The following TTC29 variants were observed in gnomAD, a reference collection of about 807,000 sequenced individuals.
TTC29 encodes the protein tetratricopeptide repeat domain 29.
Under a neutral mutation model 58.1 loss-of-function variants are expected in TTC29, and 49 were observed. The ratio of observed to expected loss-of-function variants is 0.84; its 90% CI spans 0.67 to 1.07. TTC29 has a LOEUF of 1.07. TTC29 is among the 50% of genes least tolerant of loss of function. The probability of loss-of-function intolerance (pLI) is 0.00; values close to 1 mark genes in which losing one functional copy is unlikely to be tolerated. For synonymous variants in TTC29, 209 were observed against 196.8 expected (o/e 1.06, Z -0.52); for missense variants, 582 against 555.6 (o/e 1.05, Z -0.48).
intron 11 of TTC29, among the ~76,000 whole-genome samples, chr4:146,718,464 G>A (rs923325972): frequency 2.0e-5 from 3 of 152,098 alleles, no homozygotes; most frequent in African/African-American, 7.2e-5. Context: ...GATTAATGAT[G>A]TTCAGCAATG....
chr4:146,758,569 A>G (rs957955589), intron 11 of TTC29, among the ~76,000 whole-genome samples: 11 of 152,184 alleles, frequency 7.2e-5, no homozygotes, highest in African/African-American at 9.6e-5. Context: ...AACTTTCTCC[A>G]AGATAGACCA....
At chr4:146,867,195 C>T (rs979253484) in intron 8 of TTC29, among the ~76,000 whole-genome samples, 3 of 152,110 alleles carry the variant, frequency 2.0e-5, no homozygotes, top group Non-Finnish European at 4.4e-5. Flanking sequence ...TCACTTAAAC[C>T]TATTTCCTCT....
chr4:146,810,462 G>A (rs1750939328), intron 10 of TTC29, among the ~76,000 whole-genome samples: 1 of 152,032 alleles, frequency 6.6e-6, no homozygotes, highest in Non-Finnish European at 1.5e-5. Flanking sequence ...AGTTTCATAT[G>A]GTTCAACCTA....
At chr4:146,730,614 G>A (rs1284292688) in intron 11 of TTC29, among the ~76,000 whole-genome samples, 1 of 152,178 alleles carries the variant, frequency 6.6e-6, no homozygotes, top group Non-Finnish European at 1.5e-5. Flanking sequence ...AGCAGCTAGT[G>A]AGGAAGAAGG....
rs151067761 is a variant in TTC29 at position 146,769,397 on chromosome 4, T to C, written c.1330+34060A>G. On this transcript the variant is annotated intron_variant, in intron 11 of 12. Coordinates refer to ENST00000325106, the MANE Select transcript of TTC29 (RefSeq NM_031956.4). ...TTTTAAAAAATGGTTTCTCTCTTAC[T>C]TTATCAATTATGGGATTTGACTAAG... 9.3e-3 allele frequency among the ~76,000 whole-genome samples: 1,420 copies of C among 152,144 alleles called. 16 individuals carry two copies. The highest frequency in any genetic ancestry group is 0.024 in the Middle Eastern group (7 of 294).
At chr4:146,923,372 A>G (rs1381056830) in intron 4 of TTC29, among the ~76,000 whole-genome samples, 1 of 151,680 alleles carries the variant, frequency 6.6e-6, no homozygotes, top group African/African-American at 2.4e-5. Context: ...AATCGAAACC[A>G]TCGTAAGTAG....
intron 8 of TTC29, among the ~76,000 whole-genome samples, chr4:146,840,615 C>G (rs1378813978): frequency 1.3e-5 from 2 of 152,054 alleles, no homozygotes; most frequent in African/African-American, 4.8e-5. Flanking sequence ...GCTAGGGATA[C>G]AGCAGCCAAT....
chr4:146,862,982 C>G (rs575551021), intron 8 of TTC29, among the ~76,000 whole-genome samples: 9 of 151,866 alleles, frequency 5.9e-5, no homozygotes, highest in African/African-American at 2.2e-4. Context: ...ATTAGCCGGG[C>G]GTGGTGGCAT....
intron 4 of TTC29, among the ~76,000 whole-genome samples, chr4:146,919,682 C>T (rs940167131): frequency 4.0e-5 from 6 of 150,954 alleles, no homozygotes; most frequent in African/African-American, 1.5e-4. Flanking sequence ...TCTATGATAC[C>T]CTCCACATTT....
At chr4:146,904,342 T>C (rs1387853532) in intron 5 of TTC29, among the ~76,000 whole-genome samples, 1 of 152,194 alleles carries the variant, frequency 6.6e-6, no homozygotes, top group Non-Finnish European at 1.5e-5. Context: ...CTTCTACGCT[T>C]CTGTTTTCTA....
chr4:146,883,827 G>T (rs1731798454), intron 6 of TTC29, among the ~76,000 whole-genome samples: 2 of 151,848 alleles, frequency 1.3e-5, no homozygotes, highest in African/African-American at 4.8e-5. Flanking sequence ...TAAAATACAA[G>T]CAGCAATGTC....
intron 11 of TTC29, among the ~76,000 whole-genome samples, chr4:146,732,079 G>T (rs1056999389): frequency 1.3e-5 from 2 of 152,044 alleles, no homozygotes; most frequent in Non-Finnish European, 2.9e-5. Flanking sequence ...TTGTATTTTT[G>T]ATATGTAATT....
intron 11 of TTC29, among the ~76,000 whole-genome samples, chr4:146,761,116 G>A (rs1011387730): frequency 4.0e-5 from 6 of 151,734 alleles, no homozygotes; most frequent in Non-Finnish European, 8.8e-5. Flanking sequence ...GTTGGGGCAA[G>A]GGATAGAAGA....
At chr4:146,795,428 G>A (rs1392620162) in intron 11 of TTC29, among the ~76,000 whole-genome samples, 1 of 152,104 alleles carries the variant, frequency 6.6e-6, no homozygotes, top group Non-Finnish European at 1.5e-5. Flanking sequence ...TCATCCACCA[G>A]AAGTGAAATA....
intron 8 of TTC29, among the ~76,000 whole-genome samples, chr4:146,854,617 G>T (rs1248578754): frequency 1.3e-5 from 2 of 151,998 alleles, no homozygotes; most frequent in African/African-American, 4.8e-5. Flanking sequence ...TATCCCTAAA[G>T]AGTTTTTCTG....
At chr4:146,866,338 C>T (rs563797564) in intron 8 of TTC29, among the ~76,000 whole-genome samples, 2 of 152,236 alleles carry the variant, frequency 1.3e-5, no homozygotes, top group South Asian at 2.1e-4. Flanking sequence ...TGAGTGTGTA[C>T]GCATGTGTGC....
intron 4 of TTC29, among the ~76,000 whole-genome samples, chr4:146,936,917 A>G (rs769309438): frequency 2.2e-4 from 34 of 152,066 alleles, no homozygotes; most frequent in Non-Finnish European, 4.3e-4. Context: ...CCATTTTTCA[A>G]TACTTACATG....
chr4:146,938,968 C>G (rs1736105730), intron 3 of TTC29, among the ~76,000 whole-genome samples: 1 of 152,178 alleles, frequency 6.6e-6, no homozygotes. Flanking sequence ...ATTTCTCTGT[C>G]CTGCATTTCC....
At chr4:146,717,303 G>C (rs912092300) in intron 11 of TTC29, among the ~76,000 whole-genome samples, 4 of 152,050 alleles carry the variant, frequency 2.6e-5, no homozygotes, top group Non-Finnish European at 5.9e-5. Context: ...TTTTGAGATG[G>C]AGTCTCACTC....
Sources: gnomAD v4.1 joint callset for allele counts (sites outside exome capture counted in the v4.1 genomes callset) on GRCh38, gnomAD v4.1.1 for gene constraint, MANE v1.5 for transcripts, NCBI Gene and HGNC (gene_info 2026-07-23, HGNC 2026-07-21) for gene names.